Variants in F11 observed in about 807,000 individuals in gnomAD.
F11 encodes the protein coagulation factor XI, also known as coagualtion factor XI.
F11 carries 78 observed loss-of-function variants against 76.5 expected under a neutral mutation model. The observed-to-expected ratio is 1.02, with a 90% confidence interval of 0.85 to 1.23. The LOEUF is 1.23. Among genes scored for constraint, F11 ranks in the 50% most tolerant of loss-of-function variants. The pLI, the probability that F11 is intolerant of heterozygous loss-of-function variation, is 0.00. For missense variants in F11, 742 were observed against 771.4 expected (o/e 0.96, Z 0.45); for synonymous variants, 278 against 276.3 (o/e 1.01, Z -0.06).
intron 11 of F11, 116 bp from the exon 12 acceptor site, chr4:186,285,522 A>C: frequency 9.2e-7 from 1 of 1,083,840 alleles, no homozygotes; most frequent in Non-Finnish European, 1.4e-6. Context: ...TTTTCTACCT[A>C]AATGTCCATC....
chr4:186,271,632 G>A lies in F11; in HGVS notation c.79G>A (p.Asp27Asn). The change falls in exon 3 of 15, where the codon GAC becomes AAC. Residue 27 changes from aspartate to asparagine, a missense_variant. By Grantham distance (23) the Asp-to-Asn change is conservative (BLOSUM62 1). Coordinates refer to ENST00000403665, the MANE Select transcript of F11 (RefSeq NM_000128.4). ...AGAATGTGTGACTCAGTTGTTGAAG[G>A]ACACCTGCTTTGAAGGAGGGGACAT... ...SGECVTQLLK[D>N]TCFEGGDITT... The A allele has an allele frequency of 6.2e-7, 1 of 1,614,168 alleles. No individual in the cohort carries two copies. Among genetic ancestry groups the A allele is most frequent in the South Asian group, 1.1e-5 (1 of 91,084 alleles).
intron 10 of F11, chr4:186,282,481 A>C: frequency 1.0e-6 from 1 of 985,268 alleles, no homozygotes; most frequent in Non-Finnish European, 1.2e-6. Context: ...ATGTAACTTA[A>C]CTTTCTGAAG....
At chr4:186,277,118 C>A (rs1273822054) in intron 7 of F11, among the ~76,000 whole-genome samples, 1 of 152,168 alleles carries the variant, frequency 6.6e-6, no homozygotes, top group African/African-American at 2.4e-5. Flanking sequence ...CCTGTGTACA[C>A]TTTATTTAGC....
chr4:186,272,488 A>C (rs527626093), intron 3 of F11, among the ~76,000 whole-genome samples: 2 of 152,332 alleles, frequency 1.3e-5, no homozygotes, highest in African/African-American at 4.8e-5. Context: ...TCCACCAACC[A>C]TTTGTATTCC....
At position 186,280,248 on chromosome 4, in the gene F11, T is replaced by G; in HGVS notation, c.891T>G (p.His297Gln). Residue 297 changes from histidine to glutamine, a missense_variant, in exon 9 of 15, where the codon CAT becomes CAG. By Grantham distance (24) the His-to-Gln change is conservative (BLOSUM62 0). Coordinates refer to ENST00000403665, the MANE Select transcript of F11 (RefSeq NM_000128.4). Reference protein sequence around the residue: ...IPVFCHSSFYHDTDFLGEELD... With the variant: ...IPVFCHSSFYQDTDFLGEELD... ...TGTTCTGCCATTCTTCATTTTACCA[T>G]GACACTGATTTCTTGGGAGAAGAAC... The G allele has an allele frequency of 6.2e-7, 1 of 1,614,194 alleles. No individual in the cohort carries two copies. The highest frequency in any genetic ancestry group is 8.5e-7 in the Non-Finnish European group (1 of 1,180,050).
chr4:186,284,405 A>G, intron 11 of F11, 145 bp downstream of exon 11: 4 of 848,520 alleles, frequency 4.7e-6, no homozygotes, highest in Non-Finnish European at 5.6e-6. Flanking sequence ...AAAAAACGCA[A>G]AAAGGAAGAG....
At chr4:186,277,886 A>G (rs1740499755) in intron 7 of F11, among the ~76,000 whole-genome samples, 1 of 152,066 alleles carries the variant, frequency 6.6e-6, no homozygotes, top group African/African-American at 2.4e-5. Context: ...TGCAGCCTCC[A>G]CTTCCTAGGC....
chr4:186,285,850 G>A lies in F11; in HGVS notation c.1480+37G>A, dbSNP rs778773048. Reference sequence around the variant, plus strand: ...TTTATCCGGAAAGTTGTCTCCAATGGTGAACTGGATAAAATGTTTAACACT... The same window carrying A: ...TTTATCCGGAAAGTTGTCTCCAATGATGAACTGGATAAAATGTTTAACACT... On this transcript the variant is annotated intron_variant, in intron 12 of 14. Coordinates refer to ENST00000403665, the MANE Select transcript of F11 (RefSeq NM_000128.4). The A allele has an allele frequency of 1.9e-6, 3 of 1,606,960 alleles. No individual in the cohort carries two copies. In the African/African-American group the frequency reaches 4.0e-5, roughly 22 times the overall value.
At chr4:186,267,288 G>A (rs2126701322) in intron 2 of F11, 97 bp downstream of exon 2, 1 of 867,646 alleles carries the variant, frequency 1.2e-6, no homozygotes, top group Non-Finnish European at 2.0e-6. Context: ...ATGCCGGGAA[G>A]GAAATAAAAT....
intron 2 of F11, among the ~76,000 whole-genome samples, chr4:186,269,131 T>A (rs925452): frequency 0.99 from 150,233 of 152,324 alleles, 74,098 homozygotes; most frequent in East Asian, 1. Flanking sequence ...ACCCAGTAGA[T>A]TGTTAAAAAA....
chr4:186,280,593 T>G lies in F11; in HGVS notation c.1135+13T>G. On this transcript the variant is annotated intron_variant, in intron 10 of 14. Coordinates refer to ENST00000403665, the MANE Select transcript of F11 (RefSeq NM_000128.4). The stretch of plus-strand genomic sequence containing the variant: ...AAAATGGATAATGGTGAGTATAATG[T>G]CACTTGAAAAAATATAGCTGAAGGA... The G allele has an allele frequency of 6.3e-7, 1 of 1,582,202 alleles. No homozygotes were observed. Among genetic ancestry groups the G allele is most frequent in the South Asian group, 1.1e-5 (1 of 90,296 alleles).
rs987427809 is a variant in F11 at position 186,276,111 on chromosome 4, A to G, written c.596-120A>G. 4.8e-6 allele frequency: 6 copies of G among 1,243,868 alleles called. No individual in the cohort carries two copies. In the East Asian group the frequency reaches 1.3e-4, roughly 26 times the overall value. 77.1% of individuals were successfully genotyped at this position (1,243,868 alleles called of 1,614,324 possible). On this transcript the variant is annotated intron_variant, in intron 6 of 14. Transcript: ENST00000403665. The stretch of plus-strand genomic sequence containing the variant: ...CATGCCATTTTCTTCTAAATAAAAA[A>G]AAATTAAAAGATCTTGGGATACACT...
At chr4:186,287,012 C>T (rs957505033) in intron 13 of F11, among the ~76,000 whole-genome samples, 9 of 152,126 alleles carry the variant, frequency 5.9e-5, no homozygotes, top group African/African-American at 2.2e-4. Context: ...CTCGCTCTGT[C>T]GCCCAGGCTG....
chr4:186,280,486 C>A lies in F11; in HGVS notation c.1041C>A (p.Tyr347Ter), dbSNP rs765802256. ...TTTCCAACTGCAGGGGCAAGTGTTA[C>A]TTAAAGCTTTCTTCAAACGGATCTC... is the stretch of plus-strand genomic sequence containing the variant. ...ASCNEGKGKC[Y>*]LKLSSNGSPT... Residue 347 changes from tyrosine (Y) to a stop codon, truncating the protein, a stop_gained, in exon 10 of 15, where the codon TAC becomes TAA. Coordinates refer to ENST00000403665, the MANE Select transcript of F11 (RefSeq NM_000128.4). LOFTEE classifies it high-confidence loss of function. The A allele has an allele frequency of 6.2e-7, 1 of 1,614,198 alleles. No homozygotes were observed. The highest frequency in any genetic ancestry group is 2.2e-5 in the East Asian group (1 of 44,884).
chr4:186,287,822 AG>A lies in F11; in HGVS notation c.1716+1del. The A allele has an allele frequency of 1.2e-6, 2 of 1,612,194 alleles. No homozygotes were observed. The highest frequency in any genetic ancestry group is 1.7e-6 in the Non-Finnish European group (2 of 1,178,760). Reference protein sequence around the residue: ...GYREGGKDACKGDSGGPLSCK... With the variant: ...GYREGGKDACXGDSGGPLSCK... ...AGGGAAGGAGGGAAGGACGCTTGCA[AG>A]GTAACAGAGTGTTCTTAGCCAATGG... On this transcript the variant is annotated frameshift_variant and splice_region_variant, in exon 14 of 15. Transcript: ENST00000403665. LOFTEE classifies it high-confidence loss of function.
chr4:186,273,222 A>G, intron 4 of F11, 45 bp downstream of exon 4: 3 of 1,365,412 alleles, frequency 2.2e-6, no homozygotes, highest in Non-Finnish European at 3.1e-6. Flanking sequence ...TGTGATGTAC[A>G]CATATCGCCA....
At chr4:186,277,215 G>C (rs1421060278) in intron 7 of F11, among the ~76,000 whole-genome samples, 1 of 152,128 alleles carries the variant, frequency 6.6e-6, no homozygotes, top group Non-Finnish European at 1.5e-5. Context: ...TTCTATCCAT[G>C]TTGCTGCAAA....
chr4:186,272,594 C>G (rs149444330), intron 3 of F11, among the ~76,000 whole-genome samples: 1 of 152,208 alleles, frequency 6.6e-6, no homozygotes, highest in Non-Finnish European at 1.5e-5. Context: ...TATGTAGCAC[C>G]CAGAACTTAT....
intron 9 of F11, 37 bp from the exon 10 acceptor site, chr4:186,280,437 G>A (rs1740713712): frequency 1.2e-6 from 2 of 1,614,110 alleles, no homozygotes; most frequent in Non-Finnish European, 8.5e-7. Flanking sequence ...TGCCTGTGAG[G>A]TGCATTATGT....
Sources: gnomAD v4.1 joint callset for allele counts (sites outside exome capture counted in the v4.1 genomes callset) on GRCh38, gnomAD v4.1.1 for gene constraint, MANE v1.5 for transcripts, NCBI Gene and HGNC (gene_info 2026-07-23, HGNC 2026-07-21) for gene names.